The following FHDC1 variants were observed in gnomAD, a reference collection of about 807,000 sequenced individuals.
The protein encoded by FHDC1 is FH2 domain-containing protein 1.
FHDC1 carries 25 observed loss-of-function variants against 52.6 expected under a neutral mutation model. That is an observed-to-expected ratio of 0.48 (90% CI 0.35 to 0.66). FHDC1 has a LOEUF of 0.66. Among genes scored for constraint, FHDC1 ranks in the 30% least tolerant of loss-of-function variants. The pLI is 0.01. For missense variants in FHDC1, 1,459 were observed against 1,452.8 expected (o/e 1.00, Z -0.07); for synonymous variants, 616 against 581.5 (o/e 1.06, Z -0.85).
At chr4:152,913,261 A>G in the FHDC1 span, among the ~76,000 whole-genome samples, 5 of 152,370 alleles carry the variant, frequency 3.3e-5, no homozygotes, top group South Asian at 8.3e-4. Flanking sequence ...TACTAGGTAG[A>G]TTGCAAAGTA....
At chr4:152,963,261 T>A in intron 8 of FHDC1, 131 bp downstream of exon 8, 2 of 738,198 alleles carry the variant, frequency 2.7e-6, no homozygotes, top group Non-Finnish European at 4.5e-6. Context: ...ATGGTTCTGT[T>A]TGTAGAAGCG....
chr4:152,975,790 T>G lies in FHDC1; in HGVS notation c.2499T>G (p.Pro833=). Residue 833 remains proline, a synonymous_variant, in exon 12 of 12, where the codon CCT becomes CCG. Transcript: ENST00000511601. The part of the protein sequence containing the change: ...NPTSSPPGEA[P]APVSVDSEPS... ...CATCCAGCCCCCCTGGGGAGGCTCCTGCCCCCGTCTCTGTGGATAGTGAGC... is the reference window on the plus strand; with the variant it reads ...CATCCAGCCCCCCTGGGGAGGCTCCGGCCCCCGTCTCTGTGGATAGTGAGC... 1 of 1,539,308 alleles carries G rather than the reference T, an allele frequency of 6.5e-7. No individual in the cohort carries two copies.
chr4:152,937,313 C>A (rs1739413231), intron 1 of FHDC1, among the ~76,000 whole-genome samples: 1 of 152,132 alleles, frequency 6.6e-6, no homozygotes, highest in Admixed American at 6.5e-5. Context: ...CCGGTGTCTG[C>A]GAGCCGGAAG....
chr4:152,925,395 C>T, the FHDC1 span, among the ~76,000 whole-genome samples: 2 of 152,022 alleles, frequency 1.3e-5, no homozygotes, highest in African/African-American at 4.8e-5. Flanking sequence ...TTTTATTACC[C>T]TAGGCAGTTG....
chr4:152,966,497 T>A (rs1375896540), intron 9 of FHDC1, among the ~76,000 whole-genome samples: 1 of 152,178 alleles, frequency 6.6e-6, no homozygotes, highest in Non-Finnish European at 1.5e-5. Flanking sequence ...CCTCGCTGTG[T>A]CACCCAGGCT....
chr4:152,922,033 C>T, the FHDC1 span, among the ~76,000 whole-genome samples: 1 of 152,066 alleles, frequency 6.6e-6, no homozygotes. Flanking sequence ...GAAATAGAGA[C>T]ACAAAAAACC....
chr4:152,932,048 G>C (rs1739263212), upstream of FHDC1, among the ~76,000 whole-genome samples: 1 of 148,244 alleles, frequency 6.7e-6, no homozygotes. Flanking sequence ...ATTACTTACA[G>C]TATTTAAAGG....
chr4:152,961,344 G>A lies in FHDC1; in HGVS notation c.850+500G>A, dbSNP rs563769891. 1.6e-4 allele frequency among the ~76,000 whole-genome samples: 25 copies of A among 152,280 alleles called. 1 individual carries two copies. The South Asian group carries it at 2.9e-3, about 18-fold the overall frequency. Reference sequence around the variant, plus strand: ...GGGTTCCTGACGTTTCTGTTCTGTGGTGTCGTCTCCCACTCCTCCATACTC... The same window carrying A: ...GGGTTCCTGACGTTTCTGTTCTGTGATGTCGTCTCCCACTCCTCCATACTC... On this transcript the variant is annotated intron_variant, in intron 6 of 11. Transcript: ENST00000511601.
At chr4:152,951,494 C>T (rs972022741) in intron 2 of FHDC1, among the ~76,000 whole-genome samples, 4 of 151,962 alleles carry the variant, frequency 2.6e-5, no homozygotes, top group African/African-American at 4.8e-5. Flanking sequence ...GAAATAAACC[C>T]CTAGGTTAGT....
intron 1 of FHDC1, among the ~76,000 whole-genome samples, chr4:152,938,421 G>A (rs888218993): frequency 6.6e-6 from 1 of 152,090 alleles, no homozygotes; most frequent in African/African-American, 2.4e-5. Context: ...TCCGGCTCTG[G>A]CCCGACTGCG....
rs2149966722 is a variant in FHDC1, at chr4:152,979,285, TCAA to T, written c.*2563_*2565del. 6.6e-6 allele frequency: 1 copy of T among 152,304 alleles called. No homozygotes were observed. Among genetic ancestry groups the T allele is most frequent in the African/African-American group, 2.4e-5 (1 of 41,530 alleles). 9.4% of individuals were successfully genotyped at this position (152,304 alleles called of 1,614,324 possible). A position where few individuals can be genotyped will look rare whatever the true frequency, so the allele number is the denominator to read the frequency against. Reference sequence around the variant, plus strand: ...TCCACCTCTGTGAGTCCAAGTCAGGTCAATCAGCAAGGACCCATCTCTGCCCTG... The same window carrying T: ...TCCACCTCTGTGAGTCCAAGTCAGGTTCAGCAAGGACCCATCTCTGCCCTG... On this transcript the variant is annotated 3_prime_UTR_variant, in exon 12 of 12. Coordinates refer to ENST00000511601, the MANE Select transcript of FHDC1 (RefSeq NM_001371116.1).
chr4:152,968,822 A>G (rs1448495797), intron 10 of FHDC1, among the ~76,000 whole-genome samples: 3 of 152,208 alleles, frequency 2.0e-5, no homozygotes, highest in Non-Finnish European at 4.4e-5. Flanking sequence ...TTCCACAGAA[A>G]TCAAGATGCC....
the FHDC1 span, among the ~76,000 whole-genome samples, chr4:152,914,060 A>G: frequency 6.6e-6 from 1 of 152,204 alleles, no homozygotes. Context: ...TTTTTACATT[A>G]GCTAAGACTA....
At chr4:152,925,850 AAGAAGGAGAGGAGAAGAAGGAGG>A in the FHDC1 span, among the ~76,000 whole-genome samples, 2 of 144,014 alleles carry the variant, frequency 1.4e-5, no homozygotes, top group Admixed American at 7.4e-5. Context: ...GAAGAAGGAG[AAGAAGGAGAGGAGAAGAAGGAGG>A]AGAAGGAGGA....
chr4:152,914,387 G>A, the FHDC1 span, among the ~76,000 whole-genome samples: 1 of 141,224 alleles, frequency 7.1e-6, no homozygotes, highest in Non-Finnish European at 1.5e-5. Context: ...AGTAGTTTAT[G>A]TATGTTAAGT....
rs932428432 is a variant in FHDC1, at chr4:152,976,422, C to G, written c.3131C>G (p.Ser1044Cys). The G allele has an allele frequency of 6.2e-7, 1 of 1,613,774 alleles. No homozygotes were observed. The highest frequency in any genetic ancestry group is 8.5e-7 in the Non-Finnish European group (1 of 1,180,040). Residue 1044 changes from serine (S) to cysteine (C), a missense_variant, in exon 12 of 12, where the codon TCT becomes TGT. Coordinates refer to ENST00000511601, the MANE Select transcript of FHDC1 (RefSeq NM_001371116.1). ...GCCCGGAACACAGTGGCCTCCTCCT[C>G]TCGAAGCATGAGAACAGATCTTCCT... ...SFARNTVASS[S>C]RSMRTDLPPV...
At chr4:152,953,476 T>C in intron 2 of FHDC1, 23 bp from the exon 3 acceptor site, 2 of 1,593,374 alleles carry the variant, frequency 1.3e-6, no homozygotes, top group Non-Finnish European at 1.7e-6. Context: ...AGTAATCCTA[T>C]GTGTCCTTAT....
intron 2 of FHDC1, among the ~76,000 whole-genome samples, chr4:152,949,124 T>TAATAATAATAAGAAGAAGAAGAAG (rs1347590282): frequency 5.4e-5 from 4 of 74,698 alleles, no homozygotes; most frequent in East Asian, 9.2e-4. Context: ...ATAATAATAA[T>TAATAATAATAAGAAGAAGAAGAAG]AAGAAGAAGA....
chr4:152,954,206 G>C lies in FHDC1; in HGVS notation c.561-11G>C. ...AACGTGAAATGGAATGTGATTCATT[G>C]TCTTTTCAAGGTCTCCTCGGTCCAT... On this transcript the variant is annotated splice_polypyrimidine_tract_variant and intron_variant, in intron 3 of 11. Coordinates refer to ENST00000511601, the MANE Select transcript of FHDC1 (RefSeq NM_001371116.1). 2 of 1,608,956 alleles carry C rather than the reference G, an allele frequency of 1.2e-6. No homozygotes were observed. The highest frequency in any genetic ancestry group is 1.7e-6 in the Non-Finnish European group (2 of 1,175,516).
Sources: gnomAD v4.1 joint callset for allele counts (sites outside exome capture counted in the v4.1 genomes callset) on GRCh38, gnomAD v4.1.1 for gene constraint, MANE v1.5 for transcripts, NCBI Gene and HGNC (gene_info 2026-07-23, HGNC 2026-07-21) for gene names.